Variants in SDCCAG8 observed in about 807,000 individuals in gnomAD.
SDCCAG8 encodes SHH signaling and ciliogenesis regulator SDCCAG8, also known as serologically defined colon cancer antigen 8.
In SDCCAG8, 74 loss-of-function variants were observed where a neutral mutation model predicts 101.8. That is an observed-to-expected ratio of 0.73 (90% CI 0.60 to 0.88). The LOEUF (loss-of-function observed/expected upper bound fraction) is 0.88. SDCCAG8 is among the 40% of genes least tolerant of loss of function. SDCCAG8 has a pLI of 0.00. For synonymous variants in SDCCAG8, 281 were observed against 292.9 expected, an observed-to-expected ratio of 0.96 and a Z score of 0.41; for missense variants, 787 against 822.6, an observed-to-expected ratio of 0.96 and a Z score of 0.53.
chr1:243,480,500 T>C (rs1171463602), intron 16 of SDCCAG8, among the ~76,000 whole-genome samples: 1 of 58,414 alleles, frequency 1.7e-5, no homozygotes, highest in African/African-American at 6.7e-5. Context: ...GTGGGATGGA[T>C]GGATGGATAG....
intron 16 of SDCCAG8, among the ~76,000 whole-genome samples, chr1:243,434,374 T>C (rs1206886436): frequency 6.6e-6 from 1 of 152,260 alleles, no homozygotes; most frequent in Non-Finnish European, 1.5e-5. Flanking sequence ...TAACATGCTA[T>C]TAAGAGCAAA....
chr1:243,269,078 A>G (rs2067870257), intron 1 of SDCCAG8: 1 of 152,586 alleles, frequency 6.6e-6, no homozygotes, highest in South Asian at 2.1e-4. Context: ...TATGCTCTTC[A>G]CAGGTCTCTC....
rs192788643 is a variant in SDCCAG8, at chr1:243,332,653, G to A, written c.1221+1961G>A. Among the ~76,000 whole-genome samples the A allele has an allele frequency of 4.6e-4, 70 of 150,670 alleles. No individual in the cohort carries two copies. In the South Asian group the frequency reaches 5.3e-3, roughly 11 times the overall value. On this transcript the variant is annotated intron_variant, in intron 10 of 17. Coordinates refer to ENST00000366541, the MANE Select transcript of SDCCAG8 (RefSeq NM_006642.5). ...CAGACCCGGTCTGGAGGTGATTATCGCGGTCCCGGTCTGGAGGTGATTATC... is the reference window on the plus strand; with the variant it reads ...CAGACCCGGTCTGGAGGTGATTATCACGGTCCCGGTCTGGAGGTGATTATC...
chr1:243,264,369 C>A (rs2067420905), intron 1 of SDCCAG8, among the ~76,000 whole-genome samples: 1 of 152,178 alleles, frequency 6.6e-6, no homozygotes, highest in Admixed American at 6.5e-5. Context: ...AATCCCAGCA[C>A]TTTGGGAGGC....
rs749165736 is a variant in SDCCAG8 at position 243,415,293 on chromosome 1, G to A, written c.1617-409G>A. Among the ~76,000 whole-genome samples, 9 of 152,164 alleles carry A rather than the reference G, an allele frequency of 5.9e-5. No individual in the cohort carries two copies. The East Asian group carries it at 1.5e-3, about 26-fold the overall frequency. ...TTTTAAGTTTAGAGTGAAAACAGAG[G>A]TGGTCTACAAAGCTTAGTTTTAAGA... is the stretch of plus-strand genomic sequence containing the variant. On this transcript the variant is annotated intron_variant, in intron 13 of 17. Transcript: ENST00000366541.
intron 17 of SDCCAG8, among the ~76,000 whole-genome samples, chr1:243,498,519 TCTAA>T (rs200884827): frequency 6.6e-6 from 1 of 152,282 alleles, no homozygotes; most frequent in Admixed American, 6.5e-5. Context: ...CCCCACCTAC[TCTAA>T]CTACCCTGCT....
chr1:243,473,939 G>GGGGGGGGGA (rs1661797664), intron 16 of SDCCAG8, among the ~76,000 whole-genome samples: 1 of 72,292 alleles, frequency 1.4e-5, no homozygotes, highest in Non-Finnish European at 2.7e-5. Flanking sequence ...GGGGGGGGGG[G>GGGGGGGGGA]CCGGGGGAGT....
intron 17 of SDCCAG8, among the ~76,000 whole-genome samples, chr1:243,494,940 A>G (rs1247345879): frequency 6.6e-6 from 1 of 152,178 alleles, no homozygotes; most frequent in Non-Finnish European, 1.5e-5. Context: ...TATTTTTAAC[A>G]CTTTCAAACA....
intron 10 of SDCCAG8, among the ~76,000 whole-genome samples, chr1:243,339,915 T>C (rs537525767): frequency 4.3e-4 from 65 of 152,364 alleles, no homozygotes; most frequent in African/African-American, 1.3e-3. Flanking sequence ...TATTCCTATA[T>C]GTTCTGCTGC....
At chr1:243,378,958 A>G in intron 13 of SDCCAG8, 95 bp downstream of exon 13, 2 of 1,506,920 alleles carry the variant, frequency 1.3e-6, no homozygotes, top group South Asian at 1.1e-5. Context: ...AGTCTTAGTC[A>G]TTCAATTCAC....
intron 7 of SDCCAG8, chr1:243,307,669 G>A: frequency 2.5e-6 from 3 of 1,198,976 alleles, no homozygotes; most frequent in South Asian, 2.3e-5. Context: ...TTTTTGTTTT[G>A]TGGTTAATAT....
At position 243,495,161 on chromosome 1, in the gene SDCCAG8, C is replaced by T. The variant is rs552385060; in HGVS notation, c.2113-4595C>T. On this transcript the variant is annotated intron_variant, in intron 17 of 17. Transcript: ENST00000366541. The stretch of plus-strand genomic sequence containing the variant: ...GGGAAGGAACCCTTGGGCTTGGGTG[C>T]GCCCTGGGGAGGACAGGTGGCACCG... Among the ~76,000 whole-genome samples, 44 of 152,346 alleles carry T rather than the reference C, an allele frequency of 2.9e-4. No individual in the cohort carries two copies. The South Asian group carries it at 7.9e-3, about 27-fold the overall frequency.
rs149719847 is a variant in SDCCAG8, at chr1:243,346,144, G to T, written c.1473+1813G>T. On this transcript the variant is annotated intron_variant, in intron 12 of 17. Coordinates refer to ENST00000366541, the MANE Select transcript of SDCCAG8 (RefSeq NM_006642.5). ...AACAGACAGTTTCAGAAAAGAAGTC[G>T]TGGTGTCTCATTCCATGGATGATTT... is the stretch of plus-strand genomic sequence containing the variant. The T allele has an allele frequency of 4.4e-3, 686 of 154,388 alleles. 5 individuals carry two copies. Among genetic ancestry groups the T allele is most frequent in the African/African-American group, 0.016 (661 of 41,604 alleles). The allele number at this position is 154,388 out of a possible 1,614,324, so 9.6% of individuals were successfully genotyped here.
At chr1:243,452,549 A>G (rs953806090) in intron 16 of SDCCAG8, among the ~76,000 whole-genome samples, 1 of 146,170 alleles carries the variant, frequency 6.8e-6, no homozygotes, top group African/African-American at 2.5e-5. Context: ...CAGCTTTTTG[A>G]GTAGCTGAGA....
chr1:243,476,936 A>G (rs1280368871), intron 16 of SDCCAG8, among the ~76,000 whole-genome samples: 1 of 152,146 alleles, frequency 6.6e-6, no homozygotes, highest in Non-Finnish European at 1.5e-5. Context: ...CTTAGGAAAT[A>G]CACACTGTAG....
Position 243,308,020 on chromosome 1 carries a change from G to A in SDCCAG8, c.772G>A (p.Glu258Lys), listed in dbSNP as rs771025288. 1 of 1,614,050 alleles carries A rather than the reference G, an allele frequency of 6.2e-7. No individual in the cohort carries two copies. The highest frequency in any genetic ancestry group is 8.5e-7 in the Non-Finnish European group (1 of 1,180,014). The part of the protein sequence containing the change: ...NDLAEYQRTC[E>K]DLKEQLKHKE... Reference sequence around the variant, plus strand: ...CTTAGCTGAATATCAGAGAACTTGTGAAGATCTTAAAGAGCAACTAAAGCA... The same window carrying A: ...CTTAGCTGAATATCAGAGAACTTGTAAAGATCTTAAAGAGCAACTAAAGCA... The change falls in exon 8 of 18, where the codon GAA becomes AAA. Residue 258 changes from glutamate (E) to lysine (K), a missense_variant. Coordinates refer to ENST00000366541, the MANE Select transcript of SDCCAG8 (RefSeq NM_006642.5).
intron 6 of SDCCAG8, chr1:243,293,529 A>G (rs1415637231): frequency 7.8e-6 from 4 of 510,202 alleles, no homozygotes; most frequent in South Asian, 4.6e-5. Context: ...GATACTTGAC[A>G]TAAGTGGAAT....
At chr1:243,319,383 A>T (rs573209228) in intron 9 of SDCCAG8, among the ~76,000 whole-genome samples, 82 of 151,854 alleles carry the variant, frequency 5.4e-4, no homozygotes, top group African/African-American at 2.0e-3. Context: ...TTTTATTATC[A>T]TTTTTTTGAG....
At chr1:243,346,881 C>T (rs911600520) in intron 12 of SDCCAG8, among the ~76,000 whole-genome samples, 6 of 152,094 alleles carry the variant, frequency 3.9e-5, no homozygotes, top group Non-Finnish European at 5.9e-5. Context: ...CACACACACT[C>T]GATCAGGGGA....
Sources: allele counts gnomAD v4.1 joint callset (sites outside exome capture counted in the v4.1 genomes callset), GRCh38; gene constraint gnomAD v4.1.1; transcripts MANE v1.5; gene names NCBI Gene and HGNC (gene_info 2026-07-23, HGNC 2026-07-21).